AREL1: variants seen among roughly 807,000 people sequenced by gnomAD.
AREL1 encodes apoptosis-resistant E3 ubiquitin protein ligase 1.
A neutral mutation model predicts 99.0 loss-of-function variants in AREL1; 62 were observed. The ratio of observed to expected loss-of-function variants is 0.63; its 90% CI spans 0.51 to 0.77. The LOEUF is 0.77. AREL1 is among the 30% of genes least tolerant of loss of function. The pLI is 0.00. For synonymous variants in AREL1, 380 were observed against 376.5 expected, an observed-to-expected ratio of 1.01 and a Z score of -0.11; for missense variants, 879 against 1,027.6, an observed-to-expected ratio of 0.86 and a Z score of 1.98.
In AREL1 at chr14:74,673,086, T is replaced by C. The variant is rs527273441; in HGVS notation, c.1291A>G (p.Lys431Glu). The C allele has an allele frequency of 1.9e-6, 3 of 1,614,142 alleles. No homozygotes were observed. Among genetic ancestry groups the C allele is most frequent in the Non-Finnish European group, 2.5e-6 (3 of 1,180,012 alleles). The change falls in exon 10 of 20, where the codon AAG (lysine) becomes GAG (glutamate). Residue 431 changes from lysine to glutamate, a missense_variant. Lys to Glu is a moderately conservative substitution (Grantham distance 56). Transcript: ENST00000356357. ...LAATFIRSLH[K>E]NIGGSETFQD... ...CCCTGTGTAACCTCACCTATGTTCT[T>C]ATGCAGGGAGCGGATAAAAGTGGCT...
At position 74,684,619 on chromosome 14, in the gene AREL1, G is replaced by A. The variant is rs778591571; in HGVS notation, c.78C>T (p.Ala26=). 38 of 1,613,992 alleles carry A rather than the reference G, an allele frequency of 2.4e-5. No individual in the cohort carries two copies. Among genetic ancestry groups the A allele is most frequent in the Admixed American group, 1.2e-4 (7 of 59,998 alleles). The change falls in exon 4 of 20, where the codon GCC becomes GCT. Residue 26 remains alanine, a synonymous_variant. Transcript: ENST00000356357. ...FFTIKFLFEL[A]ARVVSFLQNE... ...TCTGGAGGAAGCTGACTACACGTGC[G>A]GCAAGCTCAAAGAGGAACTTAATTG...
In AREL1 at chr14:74,669,645, T is replaced by C. The variant is rs1183016702; in HGVS notation, c.1914+4A>G. The C allele has an allele frequency of 6.2e-7, 1 of 1,613,702 alleles. No homozygotes were observed. Among genetic ancestry groups the C allele is most frequent in the Non-Finnish European group, 8.5e-7 (1 of 1,179,856 alleles). ...GGACCCAGAGGCTTTGTCCTCTTTC[T>C]CACCTTATCCAATTGACCTGATTTA... is the stretch of plus-strand genomic sequence containing the variant. On this transcript the variant is annotated splice_donor_region_variant and intron_variant, in intron 15 of 19. Coordinates refer to ENST00000356357, the MANE Select transcript of AREL1 (RefSeq NM_001039479.2).
chr14:74,673,133 C>G lies in AREL1; in HGVS notation c.1244G>C (p.Cys415Ser). The part of the protein sequence containing the change: ...DGIQPPVELS[C>S]KERNILAATF... ...GGCTGCTAGAATGTTCCTCTCCTTA[C>G]AGCTGAGCTCCACAGGAGGTTGAAT... The change falls in exon 10 of 20, where the codon TGT (cysteine) becomes TCT (serine). Residue 415 changes from cysteine (C) to serine (S), a missense_variant. By Grantham distance (112) the Cys-to-Ser change is moderately radical. Coordinates refer to ENST00000356357, the MANE Select transcript of AREL1 (RefSeq NM_001039479.2). The G allele has an allele frequency of 1.2e-6, 2 of 1,614,190 alleles. No homozygotes were observed. Among genetic ancestry groups the G allele is most frequent in the South Asian group, 1.1e-5 (1 of 91,088 alleles).
At chr14:74,705,143 G>A (rs763211090) in intron 1 of AREL1, among the ~76,000 whole-genome samples, 5 of 151,760 alleles carry the variant, frequency 3.3e-5, no homozygotes, top group Admixed American at 6.6e-5. Flanking sequence ...AGGTTCAAGC[G>A]ATTCTCCTGC....
intron 1 of AREL1, among the ~76,000 whole-genome samples, chr14:74,705,222 A>C (rs942743643): frequency 1.3e-5 from 2 of 152,060 alleles, no homozygotes; most frequent in Non-Finnish European, 2.9e-5. Flanking sequence ...TATTTTTAGT[A>C]GAGACGGGGT....
chr14:74,670,583 G>T, intron 13 of AREL1, 179 bp downstream of exon 13: 1 of 567,220 alleles, frequency 1.8e-6, no homozygotes, highest in African/African-American at 1.9e-5. Flanking sequence ...TTATTTTACA[G>T]ATGAAATAAT....
intron 13 of AREL1, 112 bp from the exon 14 acceptor site, chr14:74,670,238 A>G (rs1042644769): frequency 5.8e-5 from 63 of 1,090,268 alleles, no homozygotes; most frequent in Non-Finnish European, 1.3e-5. Context: ...CACTGTGAGG[A>G]TCAGAGCCCA....
At chr14:74,684,072 A>C (rs1210026757) in intron 4 of AREL1, among the ~76,000 whole-genome samples, 1 of 152,184 alleles carries the variant, frequency 6.6e-6, no homozygotes, top group Non-Finnish European at 1.5e-5. Flanking sequence ...ACAACTACTC[A>C]ACTGTCATAA....
At chr14:74,710,330 T>C (rs532822141) in intron 1 of AREL1, among the ~76,000 whole-genome samples, 5 of 152,366 alleles carry the variant, frequency 3.3e-5, no homozygotes, top group South Asian at 2.1e-4. Context: ...ACACTCTCAA[T>C]AGAGGTTACA....
chr14:74,683,252 G>A, intron 5 of AREL1, 44 bp downstream of exon 5: 1 of 1,352,548 alleles, frequency 7.4e-7, no homozygotes, highest in South Asian at 1.2e-5. Flanking sequence ...GAAAGAGAGA[G>A]AGGGAAGGAG....
chr14:74,680,828 G>C (rs972619806), intron 5 of AREL1, among the ~76,000 whole-genome samples: 1 of 152,200 alleles, frequency 6.6e-6, no homozygotes, highest in East Asian at 1.9e-4. Context: ...TTTGGCCTAG[G>C]GTGCTGAAGT....
intron 1 of AREL1, among the ~76,000 whole-genome samples, chr14:74,708,978 A>G (rs1034762765): frequency 6.6e-6 from 1 of 152,246 alleles, no homozygotes; most frequent in Non-Finnish European, 1.5e-5. Context: ...ACACACACAT[A>G]CATACACACA....
intron 2 of AREL1, among the ~76,000 whole-genome samples, chr14:74,687,925 T>A (rs894947852): frequency 6.6e-6 from 1 of 152,114 alleles, no homozygotes; most frequent in African/African-American, 2.4e-5. Flanking sequence ...ATGGGAGTTC[T>A]TTATACTATT....
Position 74,676,232 on chromosome 14 carries a change from G to GA in AREL1, c.740dup (p.Thr248HisfsTer21). On this transcript the variant is annotated frameshift_variant, in exon 7 of 20. Transcript: ENST00000356357. LOFTEE classifies it high-confidence loss of function. ...GGAAGCAGCCTCGAGAATGCAGGGTGAGTCGCAAGAACACCTGGAAAGTCT... is the reference window on the plus strand; with the variant it reads ...GGAAGCAGCCTCGAGAATGCAGGGTGAAGTCGCAAGAACACCTGGAAAGTCT... 1 of 1,614,130 alleles carries GA rather than the reference G, an allele frequency of 6.2e-7. No homozygotes were observed. Among genetic ancestry groups the GA allele is most frequent in the Non-Finnish European group, 8.5e-7 (1 of 1,180,008 alleles).
intron 5 of AREL1, among the ~76,000 whole-genome samples, chr14:74,681,739 C>T (rs145702059): frequency 0.011 from 1,647 of 149,284 alleles, 30 homozygotes; most frequent in African/African-American, 0.039. Flanking sequence ...CACTACACTC[C>T]AGCCTGGCGA....
chr14:74,689,410 C>T (rs374993164), intron 2 of AREL1, among the ~76,000 whole-genome samples: 4 of 152,182 alleles, frequency 2.6e-5, no homozygotes, highest in Admixed American at 2.6e-4. Context: ...GAAAACTCAT[C>T]TCCTCTGCCT....
chr14:74,667,722 G>A (rs980145848), intron 15 of AREL1, 128 bp from the exon 16 acceptor site: 1 of 1,244,142 alleles, frequency 8.0e-7, no homozygotes, highest in Non-Finnish European at 1.1e-6. Flanking sequence ...AGTTTCTGCT[G>A]TGCATTCAGC....
chr14:74,705,274 G>T (rs1288301114), intron 1 of AREL1, among the ~76,000 whole-genome samples: 1 of 152,136 alleles, frequency 6.6e-6, no homozygotes, highest in African/African-American at 2.4e-5. Flanking sequence ...CCCGACCTCA[G>T]GTGATTCGCC....
chr14:74,712,038 C>CAAAAAAAAAAAAAAAAAAAAAAA lies in AREL1; in HGVS notation c.-334+872_-334+894dup, dbSNP rs752599769. On this transcript the variant is annotated intron_variant, in intron 1 of 19. Coordinates refer to ENST00000356357, the MANE Select transcript of AREL1 (RefSeq NM_001039479.2). ...TAGCTGGAGAATGGAAGACAAAGTGCAAAAAAAAAAAAAAAAAAAAAAAAA... is the reference window on the plus strand; with the variant it reads ...TAGCTGGAGAATGGAAGACAAAGTGCAAAAAAAAAAAAAAAAAAAAAAAAAAAAAAAAAAAAAAAAAAAAAAAA... 1.1e-3 allele frequency: 31 copies of CAAAAAAAAAAAAAAAAAAAAAAA among 28,702 alleles called. 1 individual carries two copies. Among genetic ancestry groups the CAAAAAAAAAAAAAAAAAAAAAAA allele is most frequent in the African/African-American group, 1.2e-3 (9 of 7,262 alleles). 1.8% of individuals were successfully genotyped at this position (28,702 alleles called of 1,614,324 possible). A position where few individuals can be genotyped will look rare whatever the true frequency, so the allele number is the denominator to read the frequency against.
Sources: gnomAD v4.1 joint callset for allele counts (sites outside exome capture counted in the v4.1 genomes callset) on GRCh38, gnomAD v4.1.1 for gene constraint, MANE v1.5 for transcripts, NCBI Gene and HGNC (gene_info 2026-07-23, HGNC 2026-07-21) for gene names.